Variants in GRAMD2B observed in about 807,000 individuals in gnomAD.
GRAMD2B encodes GRAM domain containing 2B.
A neutral mutation model predicts 59.2 loss-of-function variants in GRAMD2B; 41 were observed. The observed-to-expected ratio is 0.69, with a 90% CI of 0.54 to 0.90. GRAMD2B has a LOEUF of 0.90. Among genes scored for constraint, GRAMD2B ranks in the 40% least tolerant of loss-of-function variants. The pLI is 0.00. For synonymous variants in GRAMD2B, 161 were observed against 182.7 expected (o/e 0.88, Z 0.96); for missense variants, 424 against 500.5 (o/e 0.85, Z 1.46).
chr5:126,394,139 G>A (rs929080519), intron 1 of GRAMD2B, among the ~76,000 whole-genome samples: 19 of 152,002 alleles, frequency 1.2e-4, no homozygotes, highest in Non-Finnish European at 2.8e-4. Flanking sequence ...GCCGGGAGTG[G>A]TGGCGGGTGC....
intron 1 of GRAMD2B, among the ~76,000 whole-genome samples, chr5:126,441,102 A>T (rs1478107460): frequency 6.6e-6 from 1 of 151,992 alleles, no homozygotes; most frequent in Non-Finnish European, 1.5e-5. Flanking sequence ...GTAATGTTTG[A>T]ATTTTCTAGA....
At chr5:126,492,768 C>T (rs1328311040) in intron 13 of GRAMD2B, 147 bp from the exon 14 acceptor site, 1 of 550,684 alleles carries the variant, frequency 1.8e-6, no homozygotes, top group East Asian at 3.1e-5. Context: ...TATGAAAAAG[C>T]ATCTATTTGC....
chr5:126,470,976 C>T (rs1001203580), intron 3 of GRAMD2B, among the ~76,000 whole-genome samples: 3 of 152,342 alleles, frequency 2.0e-5, no homozygotes, highest in Non-Finnish European at 2.9e-5. Flanking sequence ...AACCACTGCT[C>T]ACTGTAGCCA....
chr5:126,400,390 A>ATT (rs1757718869), intron 1 of GRAMD2B, among the ~76,000 whole-genome samples: 1 of 152,150 alleles, frequency 6.6e-6, no homozygotes, highest in African/African-American at 2.4e-5. Context: ...CACAATTTAT[A>ATT]TCTATTAATA....
At chr5:126,459,046 T>C (rs972332728) in intron 1 of GRAMD2B, 4 of 152,210 alleles carry the variant, frequency 2.6e-5, no homozygotes, top group Non-Finnish European at 5.9e-5. Context: ...GATTATCACT[T>C]CTTTTGTACA....
chr5:126,394,101 T>G (rs7731430), intron 1 of GRAMD2B, among the ~76,000 whole-genome samples: 5 of 150,926 alleles, frequency 3.3e-5, no homozygotes, highest in African/African-American at 1.2e-4. Flanking sequence ...GGTGAAACCC[T>G]GTCTCTACTA....
At position 126,477,741 on chromosome 5, in the gene GRAMD2B, C is replaced by T. The variant is rs1287646911; in HGVS notation, c.536C>T (p.Ala179Val). The T allele has an allele frequency of 4.3e-6, 7 of 1,612,774 alleles. No individual in the cohort carries two copies. The highest frequency in any genetic ancestry group is 5.9e-6 in the Non-Finnish European group (7 of 1,178,906). ...SVTLIKKTKT[A>V]LLVPNALIIA... ...ACCCTAATAAAGAAAACCAAAACTG[C>T]TCTTCTAGTGCCAAACGCCCTGATC... is the stretch of plus-strand genomic sequence containing the variant. The change falls in exon 6 of 14, where the codon GCT becomes GTT. Residue 179 changes from alanine to valine, a missense_variant. Transcript: ENST00000285689.
chr5:126,436,632 C>A, intron 1 of GRAMD2B, among the ~76,000 whole-genome samples: 1 of 152,110 alleles, frequency 6.6e-6, no homozygotes, highest in East Asian at 1.9e-4. Flanking sequence ...AGCCTGAGGA[C>A]CCTGTCTCTT....
intron 1 of GRAMD2B, among the ~76,000 whole-genome samples, chr5:126,392,139 A>G (rs556314931): frequency 9.2e-5 from 14 of 152,172 alleles, no homozygotes; most frequent in Admixed American, 2.0e-4. Flanking sequence ...TTCTCTTTTC[A>G]CTAAAATTGT....
At chr5:126,448,363 C>T (rs1215301601) in intron 1 of GRAMD2B, among the ~76,000 whole-genome samples, 3 of 151,906 alleles carry the variant, frequency 2.0e-5, no homozygotes, top group African/African-American at 7.3e-5. Context: ...GAAGGCATGG[C>T]AGCCCAGGAG....
chr5:126,370,087 C>T (rs778274540), upstream of GRAMD2B, among the ~76,000 whole-genome samples: 1 of 152,128 alleles, frequency 6.6e-6, no homozygotes, highest in Non-Finnish European at 1.5e-5. Flanking sequence ...AGCATGAGGG[C>T]GCTCAGCAGT....
intron 1 of GRAMD2B, chr5:126,462,544 A>G (rs1469110134): frequency 1.2e-5 from 6 of 510,210 alleles, no homozygotes; most frequent in African/African-American, 2.1e-5. Context: ...TGACTCGTAG[A>G]TGAATTTCAC....
At chr5:126,423,772 G>A in intron 1 of GRAMD2B, 83 bp downstream of exon 1, 1 of 1,388,774 alleles carries the variant, frequency 7.2e-7, no homozygotes, top group Non-Finnish European at 9.7e-7. Context: ...CATTTTGGGT[G>A]GATGCGGATT....
intron 1 of GRAMD2B, among the ~76,000 whole-genome samples, chr5:126,437,664 A>G (rs1357578630): frequency 6.6e-6 from 1 of 152,232 alleles, no homozygotes; most frequent in Non-Finnish European, 1.5e-5. Flanking sequence ...AACAAAACAA[A>G]AACAACCAAA....
intron 1 of GRAMD2B, among the ~76,000 whole-genome samples, chr5:126,416,663 A>G (rs570064811): frequency 3.9e-5 from 6 of 152,292 alleles, no homozygotes; most frequent in African/African-American, 1.2e-4. Flanking sequence ...CTCCAGGCAC[A>G]TTGGAGAACA....
At chr5:126,490,183 C>A (rs1172651747) in intron 13 of GRAMD2B, 1 of 151,976 alleles carries the variant, frequency 6.6e-6, no homozygotes, top group African/African-American at 2.4e-5. Flanking sequence ...TGAAGATAAA[C>A]GATTTTTTTT....
intron 1 of GRAMD2B, among the ~76,000 whole-genome samples, chr5:126,428,860 G>A (rs1168353957): frequency 6.6e-6 from 1 of 152,122 alleles, no homozygotes; most frequent in Non-Finnish European, 1.5e-5. Context: ...CAGTCAGGAT[G>A]GCAATTATTA....
chr5:126,490,576 A>G (rs910672855), intron 13 of GRAMD2B, among the ~76,000 whole-genome samples: 9 of 152,212 alleles, frequency 5.9e-5, no homozygotes, highest in African/African-American at 1.7e-4. Flanking sequence ...TGTTCTAAAA[A>G]GTTAGAAGTT....
rs1400428075 is a variant in GRAMD2B at position 126,485,774 on chromosome 5, G to GTT, written c.1058+2_1058+3insTT. On this transcript the variant is annotated splice_donor_variant, in intron 11 of 13. Transcript: ENST00000285689. LOFTEE classifies it high-confidence loss of function. ...ATATTCTTATATTCTATGCAATTGT[G>GTT]TAAGTACATGAATTTACTGTGAGTG... is the stretch of plus-strand genomic sequence containing the variant. The GTT allele has an allele frequency of 1.9e-6, 3 of 1,567,104 alleles. No individual in the cohort carries two copies. In the East Asian group the frequency reaches 6.7e-5, roughly 35 times the overall value.
Sources: gnomAD v4.1 joint callset for allele counts (sites outside exome capture counted in the v4.1 genomes callset) on GRCh38, gnomAD v4.1.1 for gene constraint, MANE v1.5 for transcripts, NCBI Gene and HGNC (gene_info 2026-07-23, HGNC 2026-07-21) for gene names.